TNIP3: variants seen among roughly 807,000 people sequenced by gnomAD.
TNIP3 encodes the protein TNFAIP3-interacting protein 3.
In TNIP3, 34 loss-of-function variants were observed where a neutral mutation model predicts 54.1. That is an observed-to-expected ratio of 0.63 (90% CI 0.48 to 0.84). The LOEUF (loss-of-function observed/expected upper bound fraction) is 0.84, where lower values mean the gene tolerates loss of function less well. Ranked by LOEUF, TNIP3 falls within the 40% of genes least tolerant of loss-of-function variation. The pLI is 0.00. For synonymous variants in TNIP3, 134 were observed against 136.8 expected (o/e 0.98, Z 0.14); for missense variants, 366 against 387.6 (o/e 0.94, Z 0.47).
chr4:121,142,106 TA>T (rs1467624665), intron 8 of TNIP3, among the ~76,000 whole-genome samples, 192 bp from the exon 9 acceptor site: 11 of 152,234 alleles, frequency 7.2e-5, no homozygotes, highest in African/African-American at 2.7e-4. Flanking sequence ...AAGTTTTACC[TA>T]AGGTGAAACT....
intron 3 of TNIP3, 70 bp from the exon 4 acceptor site, chr4:121,157,313 A>G (rs1730176997): frequency 6.2e-7 from 1 of 1,606,088 alleles, no homozygotes; most frequent in African/African-American, 1.3e-5. Flanking sequence ...ATTTATTCCC[A>G]GGCTATGAAC....
chr4:121,215,880 T>TA (rs70948385), intron 2 of TNIP3, among the ~76,000 whole-genome samples: 23,848 of 133,648 alleles, frequency 0.18, 2,082 homozygotes, highest in Non-Finnish European at 0.22. Context: ...GGTGCCACAT[T>TA]AAAAAAAAAA....
upstream of TNIP3, among the ~76,000 whole-genome samples, chr4:121,217,795 C>G (rs1038997220): frequency 1.3e-5 from 2 of 152,100 alleles, no homozygotes; most frequent in Admixed American, 1.3e-4. Flanking sequence ...TTTAAAATGT[C>G]TTATATTCTT....
chr4:121,158,562 G>A (rs17051301), intron 3 of TNIP3, 125 bp downstream of exon 3: 20,297 of 768,960 alleles, frequency 0.026, 353 homozygotes, highest in Admixed American at 0.042. Flanking sequence ...CACCCTTCCC[G>A]TCATTTTCCA....
intron 3 of TNIP3, among the ~76,000 whole-genome samples, chr4:121,172,477 A>G (rs919561079): frequency 6.6e-6 from 1 of 152,228 alleles, no homozygotes; most frequent in Admixed American, 6.5e-5. Context: ...ATCAGTGCCA[A>G]TGGCAGTGTC....
chr4:121,196,975 A>G (rs1725624746), intron 2 of TNIP3, among the ~76,000 whole-genome samples: 1 of 152,166 alleles, frequency 6.6e-6, no homozygotes. Flanking sequence ...CATGGGTAGA[A>G]TAAGAATTCA....
chr4:121,138,308 A>G (rs1001055128), intron 10 of TNIP3, among the ~76,000 whole-genome samples: 4 of 152,216 alleles, frequency 2.6e-5, no homozygotes, highest in African/African-American at 7.2e-5. Flanking sequence ...TTGTAGTACA[A>G]TTGCAGAGCT....
intron 1 of TNIP3, among the ~76,000 whole-genome samples, chr4:121,224,287 C>T (rs1470504700): frequency 6.6e-6 from 1 of 151,784 alleles, no homozygotes; most frequent in African/African-American, 2.4e-5. Flanking sequence ...CACTTGAACC[C>T]AGGAGGCAGA....
At chr4:121,188,993 C>T (rs535458469) in intron 2 of TNIP3, among the ~76,000 whole-genome samples, 6 of 152,114 alleles carry the variant, frequency 3.9e-5, no homozygotes, top group East Asian at 3.8e-4. Flanking sequence ...TTACATGGTA[C>T]GGTTGCCTCA....
intron 2 of TNIP3, among the ~76,000 whole-genome samples, chr4:121,206,627 GC>G (rs760418796): frequency 2.6e-5 from 4 of 152,010 alleles, no homozygotes; most frequent in Non-Finnish European, 5.9e-5. Flanking sequence ...CAGCTCACTA[GC>G]CTCAGCCTTC....
intron 2 of TNIP3, among the ~76,000 whole-genome samples, chr4:121,206,605 G>A (rs1726207193): frequency 6.6e-6 from 1 of 151,932 alleles, no homozygotes; most frequent in South Asian, 2.1e-4. Context: ...CTGGAGTGTA[G>A]TGGTGCAATC....
At chr4:121,190,676 T>G (rs1225624903) in intron 2 of TNIP3, among the ~76,000 whole-genome samples, 2 of 152,156 alleles carry the variant, frequency 1.3e-5, no homozygotes, top group Admixed American at 1.3e-4. Context: ...AGTTCAGAAG[T>G]CCTTTCCAAG....
At chr4:121,208,535 C>G (rs956912932) in intron 2 of TNIP3, among the ~76,000 whole-genome samples, 1 of 152,162 alleles carries the variant, frequency 6.6e-6, no homozygotes, top group Non-Finnish European at 1.5e-5. Context: ...ATCCTTAGCC[C>G]TGATCCCTGA....
rs1729133055 is a variant in TNIP3 at position 121,141,804 on chromosome 4, A to G, written c.885+12T>C. 1.3e-6 allele frequency: 2 copies of G among 1,501,578 alleles called. No homozygotes were observed. Among genetic ancestry groups the G allele is most frequent in the Non-Finnish European group, 1.8e-6 (2 of 1,120,756 alleles). The allele number at this position is 1,501,578 out of a possible 1,614,324, so 93.0% of individuals were successfully genotyped here. On this transcript the variant is annotated intron_variant, in intron 9 of 10. Transcript: ENST00000057513. ...GTATACTAAGCACTTTTTCAAATGC[A>G]CTCTTACTTACTGGGTGCTCCCGTT... is the stretch of plus-strand genomic sequence containing the variant.
chr4:121,216,423 A>G (rs1470589553), exon 2 of TNIP3: 3 of 1,535,458 alleles, frequency 2.0e-6, no homozygotes, highest in Non-Finnish European at 2.6e-6. Flanking sequence ...ACCTTTCAGA[A>G]TCTTCAGATT....
chr4:121,138,545 T>C (rs1728922311), intron 10 of TNIP3, 79 bp downstream of exon 10: 2 of 1,337,202 alleles, frequency 1.5e-6, no homozygotes, highest in East Asian at 4.6e-5. Flanking sequence ...TACGAATGAA[T>C]GTATGTTGAG....
chr4:121,225,942 C>T (rs1043162154), intron 1 of TNIP3, among the ~76,000 whole-genome samples: 4 of 152,084 alleles, frequency 2.6e-5, no homozygotes, highest in Non-Finnish European at 4.4e-5. Context: ...ATTTAACAGT[C>T]AATTTCCCAT....
chr4:121,207,233 C>T (rs941222362), intron 2 of TNIP3, among the ~76,000 whole-genome samples: 1 of 151,962 alleles, frequency 6.6e-6, no homozygotes, highest in Non-Finnish European at 1.5e-5. Flanking sequence ...AGAAAAAAAG[C>T]CTCAAGATCA....
intron 2 of TNIP3, among the ~76,000 whole-genome samples, chr4:121,160,692 G>A (rs1730397088): frequency 6.6e-6 from 1 of 152,134 alleles, no homozygotes; most frequent in South Asian, 2.1e-4. Flanking sequence ...GTGTTTGGAT[G>A]CCCAGTTCAT....
Sources: allele counts gnomAD v4.1 joint callset (sites outside exome capture counted in the v4.1 genomes callset), GRCh38; gene constraint gnomAD v4.1.1; transcripts MANE v1.5; gene names NCBI Gene and HGNC (gene_info 2026-07-23, HGNC 2026-07-21).